Variants in NUDT17 observed in about 807,000 individuals in gnomAD.
NUDT17 encodes the protein m7GpppN-mRNA hydrolase NUDT17.
A neutral mutation model predicts 38.6 loss-of-function variants in NUDT17; 38 were observed. The observed-to-expected ratio is 0.98, with a 90% confidence interval of 0.76 to 1.29. NUDT17 has a LOEUF of 1.29. Among genes scored for constraint, NUDT17 ranks in the 50% most tolerant of loss-of-function variants. The probability of loss-of-function intolerance (pLI) is 0.00; values close to 1 mark genes in which losing one functional copy is unlikely to be tolerated. For synonymous variants in NUDT17, 192 were observed against 167.8 expected (o/e 1.14, Z -1.11); for missense variants, 462 against 415.2 (o/e 1.11, Z -0.98).
Position 145,846,705 on chromosome 1 carries a change from TG to T in NUDT17, c.495+18del. The T allele has an allele frequency of 6.4e-7, 1 of 1,551,526 alleles. No individual in the cohort carries two copies. Among genetic ancestry groups the T allele is most frequent in the Non-Finnish European group, 8.9e-7 (1 of 1,122,876 alleles). ...GTTTATGGGAGGTGAGACAAGTAGCTGGGAGAAGCTCCTCCATAGATCAGCC... is the reference window on the plus strand; with the variant it reads ...GTTTATGGGAGGTGAGACAAGTAGCTGGAGAAGCTCCTCCATAGATCAGCC... On this transcript the variant is annotated intron_variant, in intron 4 of 7. Transcript: ENST00000334513.
In NUDT17 at chr1:145,845,688, G is replaced by C; in HGVS notation, c.48G>C (p.Ser16=). 3 of 1,540,736 alleles carry C rather than the reference G, an allele frequency of 1.9e-6. No homozygotes were observed. Among genetic ancestry groups the C allele is most frequent in the Non-Finnish European group, 2.6e-6 (3 of 1,139,104 alleles). The part of the protein sequence containing the change: ...VQLLLSRRPE[S]VSFARSVCGL... ...TGCTCCTGTCCCGGCGTCCGGAGTC[G>C]GTGAGCTTCGCACGGAGTGTGTGTG... is the stretch of plus-strand genomic sequence containing the variant. Residue 16 remains serine (S), a synonymous_variant, in exon 1 of 8, where the codon TCG becomes TCC. Transcript: ENST00000334513.
Position 145,847,148 on chromosome 1 carries a change from C to G in NUDT17, c.496-102C>G, listed in dbSNP as rs913259271. 5.9e-5 allele frequency: 40 copies of G among 673,772 alleles called. No individual in the cohort carries two copies. The Admixed American group carries it at 9.8e-4, about 16-fold the overall frequency. The allele number at this position is 673,772 out of a possible 1,614,324, so 41.7% of individuals were successfully genotyped here. A position where few individuals can be genotyped will look rare whatever the true frequency, so the allele number is the denominator to read the frequency against. ...GGCAGAGGTTGCAGTGAGCCAAGAT[C>G]ACGCCATTGCATGCCAGCCTGGGCG... On this transcript the variant is annotated intron_variant, in intron 4 of 7. Coordinates refer to ENST00000334513, the MANE Select transcript of NUDT17 (RefSeq NM_001012758.3).
chr1:145,848,502 C>T lies in NUDT17; in HGVS notation c.*23C>T. ...TGAAGTGTAAAATCCCCTCCCTAGC[C>T]CATCTCCATGACACTCACAGAACAT... On this transcript the variant is annotated 3_prime_UTR_variant, in exon 8 of 8. Transcript: ENST00000334513. 1 of 1,498,412 alleles carries T rather than the reference C, an allele frequency of 6.7e-7. No individual in the cohort carries two copies. The highest frequency in any genetic ancestry group is 9.3e-7 in the Non-Finnish European group (1 of 1,077,890). 92.8% of individuals were successfully genotyped at this position (1,498,412 alleles called of 1,614,324 possible).
Position 145,845,837 on chromosome 1 carries a change from G to A in NUDT17, c.192+5G>A. The stretch of plus-strand genomic sequence containing the variant: ...TCCGCTAGGCTTCCGCTCCAGGTCG[G>A]CAGAAGGGGGCCCCAGAGCGGGGGC... On this transcript the variant is annotated splice_donor_5th_base_variant and intron_variant, in intron 1 of 7. Coordinates refer to ENST00000334513, the MANE Select transcript of NUDT17 (RefSeq NM_001012758.3). 2 of 1,585,174 alleles carry A rather than the reference G, an allele frequency of 1.3e-6. No homozygotes were observed. Among genetic ancestry groups the A allele is most frequent in the African/African-American group, 1.3e-5 (1 of 74,650 alleles).
intron 6 of NUDT17, 35 bp downstream of exon 6, chr1:145,847,754 C>G (rs202227825): frequency 1.2e-6 from 2 of 1,604,780 alleles, no homozygotes; most frequent in Admixed American, 3.3e-5. Flanking sequence ...CTCTAATACA[C>G]CAACATATTC....
chr1:145,847,301 G>T lies in NUDT17; in HGVS notation c.547G>T (p.Val183Phe). The T allele has an allele frequency of 6.2e-7, 1 of 1,611,678 alleles. No individual in the cohort carries two copies. Among genetic ancestry groups the T allele is most frequent in the Non-Finnish European group, 8.5e-7 (1 of 1,179,066 alleles). Residue 183 changes from valine to phenylalanine, a missense_variant, in exon 5 of 8, where the codon GTT (valine) becomes TTT (phenylalanine). Coordinates refer to ENST00000334513, the MANE Select transcript of NUDT17 (RefSeq NM_001012758.3). ...GGGTTTACCCAAATACCATCACATT[G>T]TTCTGTATCTACTCGTGATCTCCCA... ...SWGLPKYHHI[V>F]LYLLVISQES...
Position 145,848,510 on chromosome 1 carries a change from A to C in NUDT17, c.*31A>C. ...AAAATCCCCTCCCTAGCCCATCTCC[A>C]TGACACTCACAGAACATTCACAACC... On this transcript the variant is annotated 3_prime_UTR_variant, in exon 8 of 8. Coordinates refer to ENST00000334513, the MANE Select transcript of NUDT17 (RefSeq NM_001012758.3). 1.4e-5 allele frequency: 20 copies of C among 1,429,194 alleles called. No homozygotes were observed. Among genetic ancestry groups the C allele is most frequent in the Non-Finnish European group, 1.9e-5 (19 of 1,017,934 alleles). 88.5% of individuals were successfully genotyped at this position (1,429,194 alleles called of 1,614,324 possible). A position where few individuals can be genotyped will look rare whatever the true frequency, so the allele number is the denominator to read the frequency against.
chr1:145,846,763 G>A, intron 4 of NUDT17, 73 bp downstream of exon 4: 2 of 1,025,600 alleles, frequency 2.0e-6, no homozygotes, highest in Non-Finnish European at 3.1e-6. Flanking sequence ...GGAAACAATA[G>A]CACATAAGTG....
In NUDT17 at chr1:145,846,417, C is replaced by T. The variant is rs1325887759; in HGVS notation, c.377-16C>T. 2 of 1,613,924 alleles carry T rather than the reference C, an allele frequency of 1.2e-6. No individual in the cohort carries two copies. Among genetic ancestry groups the T allele is most frequent in the African/African-American group, 2.7e-5 (2 of 74,918 alleles). On this transcript the variant is annotated splice_polypyrimidine_tract_variant and intron_variant, in intron 2 of 7. Transcript: ENST00000334513. ...AGACCACCACCATTCACCTACTGGC[C>T]CCACTGTTGTTGCAGGTGGGCACGT...
rs372148833 is a variant in NUDT17, at chr1:145,845,703, G to C, written c.63G>C (p.Arg21=). 3.6e-5 allele frequency: 56 copies of C among 1,551,538 alleles called. No homozygotes were observed. Among genetic ancestry groups the C allele is most frequent in the Non-Finnish European group, 4.2e-5 (48 of 1,147,144 alleles). Residue 21 remains arginine (R), a synonymous_variant, in exon 1 of 8, where the codon CGG becomes CGC. Coordinates refer to ENST00000334513, the MANE Select transcript of NUDT17 (RefSeq NM_001012758.3). The part of the protein sequence containing the change: ...SRRPESVSFA[R]SVCGLLGAGP... ...GTCCGGAGTCGGTGAGCTTCGCACG[G>C]AGTGTGTGTGGCCTCCTGGGAGCCG...
chr1:145,847,122 A>C (rs1652733604), intron 4 of NUDT17, 128 bp from the exon 5 acceptor site: 1 of 602,628 alleles, frequency 1.7e-6, no homozygotes, highest in South Asian at 2.1e-5. Context: ...TGAACCCAGG[A>C]GGCAGAGGTT....
chr1:145,846,244 C>G (rs782242276), intron 2 of NUDT17, 48 bp downstream of exon 2: 15 of 1,535,526 alleles, frequency 9.8e-6, no homozygotes, highest in Non-Finnish European at 1.3e-5. Flanking sequence ...GAAATTTGCC[C>G]TTTCCCCGCA....
Position 145,845,657 on chromosome 1 carries a change from T to C in NUDT17, c.17T>C (p.Val6Ala), listed in dbSNP as rs1462489130. 3.3e-6 allele frequency: 5 copies of C among 1,523,046 alleles called. No individual in the cohort carries two copies. The Admixed American group carries it at 1.0e-4, about 31-fold the overall frequency. The allele number at this position is 1,523,046 out of a possible 1,614,324, so 94.3% of individuals were successfully genotyped here. A position where few individuals can be genotyped will look rare whatever the true frequency, so the allele number is the denominator to read the frequency against. The part of the protein sequence containing the change: MAEVR[V>A]QLLLSRRPES... ...AGTCGCGTTATGGCCGAGGTGCGGG[T>C]GCAGCTGCTCCTGTCCCGGCGTCCG... The change falls in exon 1 of 8, where the codon GTG becomes GCG. Residue 6 changes from valine (V) to alanine (A), a missense_variant. Val to Ala is a moderately conservative substitution (Grantham distance 64). Transcript: ENST00000334513.
intron 2 of NUDT17, 60 bp from the exon 3 acceptor site, chr1:145,846,373 A>C (rs587649952): frequency 6.2e-7 from 1 of 1,601,436 alleles, no homozygotes. Flanking sequence ...GTCAACAGTG[A>C]GTGGGGGCTC....
chr1:145,846,364 T>A (rs1652676705), intron 2 of NUDT17, 69 bp from the exon 3 acceptor site: 2 of 1,584,156 alleles, frequency 1.3e-6, no homozygotes, highest in African/African-American at 2.7e-5. Flanking sequence ...GAGAGGAGTG[T>A]CAACAGTGAG....
rs372148833 is a variant in NUDT17, at chr1:145,845,703, G to A, written c.63G>A (p.Arg21=). ...SRRPESVSFA[R]SVCGLLGAGP... Reference sequence around the variant, plus strand: ...GTCCGGAGTCGGTGAGCTTCGCACGGAGTGTGTGTGGCCTCCTGGGAGCCG... The same window carrying A: ...GTCCGGAGTCGGTGAGCTTCGCACGAAGTGTGTGTGGCCTCCTGGGAGCCG... The change falls in exon 1 of 8, where the codon CGG becomes CGA. Residue 21 remains arginine (R), a synonymous_variant. Coordinates refer to ENST00000334513, the MANE Select transcript of NUDT17 (RefSeq NM_001012758.3). 122 of 1,551,420 alleles carry A rather than the reference G, an allele frequency of 7.9e-5. 1 individual carries two copies. In the African/African-American group the frequency reaches 1.4e-3, roughly 17 times the overall value.
intron 4 of NUDT17, 96 bp downstream of exon 4, chr1:145,846,786 C>A: frequency 1.2e-6 from 1 of 856,544 alleles, no homozygotes; most frequent in East Asian, 2.4e-5. Flanking sequence ...CTGGAATCCC[C>A]AAATCCATAA....
At position 145,848,758 on chromosome 1, in the gene NUDT17, T is replaced by G; in HGVS notation, c.*279T>G. 6.0e-6 allele frequency: 2 copies of G among 331,958 alleles called. No homozygotes were observed. The highest frequency in any genetic ancestry group is 1.1e-5 in the Non-Finnish European group (2 of 181,396). 20.6% of individuals were successfully genotyped at this position (331,958 alleles called of 1,614,324 possible). A position where few individuals can be genotyped will look rare whatever the true frequency, so the allele number is the denominator to read the frequency against. On this transcript the variant is annotated 3_prime_UTR_variant, in exon 8 of 8. Coordinates refer to ENST00000334513, the MANE Select transcript of NUDT17 (RefSeq NM_001012758.3). ...AACACTGTGAACTTAGATATATAAA[T>G]AGAGAGAGACCCAAGCAATAGGCCG... is the stretch of plus-strand genomic sequence containing the variant.
chr1:145,845,940 C>G lies in NUDT17; in HGVS notation c.193-73C>G, dbSNP rs782405358. The G allele has an allele frequency of 1.0e-5, 16 of 1,536,600 alleles. No homozygotes were observed. The East Asian group carries it at 2.6e-4, about 25-fold the overall frequency. The stretch of plus-strand genomic sequence containing the variant: ...CCCCGCCCCCAACGCGCGGTGTAGC[C>G]CCATTTTTGGAAGTCACGCCCACCC... On this transcript the variant is annotated intron_variant, in intron 1 of 7. Coordinates refer to ENST00000334513, the MANE Select transcript of NUDT17 (RefSeq NM_001012758.3).
Sources: gnomAD v4.1 joint callset for allele counts on GRCh38, gnomAD v4.1.1 for gene constraint, MANE v1.5 for transcripts, NCBI Gene and HGNC (gene_info 2026-07-23, HGNC 2026-07-21) for gene names.